The following NFATC1 variants were observed in gnomAD, a reference collection of about 807,000 sequenced individuals.
NFATC1 encodes nuclear factor of activated T-cells, cytoplasmic 1.
A neutral mutation model predicts 76.0 loss-of-function variants in NFATC1; 22 were observed. The observed-to-expected ratio is 0.29, with a 90% CI of 0.21 to 0.41. NFATC1 has a LOEUF of 0.41. Among genes scored for constraint, NFATC1 ranks in the 10% least tolerant of loss-of-function variants. The pLI is 1.00. For missense variants in NFATC1, 1,357 were observed against 1,337.7 expected, an observed-to-expected ratio of 1.01 and a Z score of -0.23; for synonymous variants, 704 against 613.1, an observed-to-expected ratio of 1.15 and a Z score of -2.19.
intron 9 of NFATC1, 120 bp downstream of exon 9, chr18:79,487,057 G>A: frequency 1.7e-6 from 2 of 1,162,812 alleles, no homozygotes; most frequent in South Asian, 1.6e-5. Flanking sequence ...GCACCGGGCA[G>A]GGTGTGGGGT....
At chr18:79,450,563 C>T (rs1012453900) in intron 4 of NFATC1, among the ~76,000 whole-genome samples, 2 of 152,124 alleles carry the variant, frequency 1.3e-5, no homozygotes, top group African/African-American at 4.8e-5. Flanking sequence ...CGCTCTCTGC[C>T]GCTCTGGTGA....
chr18:79,506,973 CCCGGACCCAT>C (rs2090132443), intron 9 of NFATC1, among the ~76,000 whole-genome samples: 2 of 152,218 alleles, frequency 1.3e-5, no homozygotes, highest in Non-Finnish European at 2.9e-5. Context: ...CCCACCAGGC[CCCGGACCCAT>C]AATCAAAGCC....
intron 9 of NFATC1, among the ~76,000 whole-genome samples, chr18:79,487,171 C>T (rs754263627): frequency 5.9e-5 from 9 of 152,186 alleles, no homozygotes; most frequent in Non-Finnish European, 1.2e-4. Context: ...GGGCCCTTGG[C>T]GGGTCCTGGG....
At chr18:79,453,876 C>A (rs959471765) in intron 6 of NFATC1, among the ~76,000 whole-genome samples, 1 of 152,248 alleles carries the variant, frequency 6.6e-6, no homozygotes, top group African/African-American at 2.4e-5. Flanking sequence ...ACATAATTTT[C>A]TTCCTCCACT....
chr18:79,474,013 C>T (rs549456283), intron 8 of NFATC1, among the ~76,000 whole-genome samples: 13 of 142,392 alleles, frequency 9.1e-5, no homozygotes, highest in South Asian at 2.2e-4. Context: ...CACTCACTGT[C>T]GACGTAAACC....
At chr18:79,448,555 C>T in intron 3 of NFATC1, 1 of 581,370 alleles carries the variant, frequency 1.7e-6, no homozygotes, top group Non-Finnish European at 3.1e-6. Flanking sequence ...TGCATACGTG[C>T]AAGGCCCGTT....
At chr18:79,475,757 AAGGG>A (rs1470680651) in intron 8 of NFATC1, among the ~76,000 whole-genome samples, 1 of 152,194 alleles carries the variant, frequency 6.6e-6, no homozygotes, top group Non-Finnish European at 1.5e-5. Flanking sequence ...CTCCAATTGA[AAGGG>A]AGGTCCGAGA....
intron 6 of NFATC1, among the ~76,000 whole-genome samples, chr18:79,452,345 A>G (rs1477188819): frequency 6.6e-6 from 1 of 152,220 alleles, no homozygotes; most frequent in Non-Finnish European, 1.5e-5. Flanking sequence ...CCAAGGGCAC[A>G]GGTCACCCCT....
rs777674609 is a variant in NFATC1, at chr18:79,410,854, C to T, written c.579C>T (p.Tyr193=). The T allele has an allele frequency of 6.2e-7, 1 of 1,610,694 alleles. No individual in the cohort carries two copies. The highest frequency in any genetic ancestry group is 1.7e-5 in the Admixed American group (1 of 59,864). Reference sequence around the variant, plus strand: ...AGGCCTCCTCCTACGAGTCCAACTACTCGTACCCGTACGCGTCCCCCCAGA... The same window carrying T: ...AGGCCTCCTCCTACGAGTCCAACTATTCGTACCCGTACGCGTCCCCCCAGA... ...NSEASSYESN[Y]SYPYASPQTS... The change falls in exon 2 of 10, where the codon TAC becomes TAT. Residue 193 remains tyrosine, a synonymous_variant. Transcript: ENST00000427363. The surrounding 1 kb of genome is among the most constrained non-coding windows in gnomAD (Gnocchi z 6.7).
intron 9 of NFATC1, among the ~76,000 whole-genome samples, chr18:79,505,832 AGG>A (rs2090109125): frequency 1.4e-5 from 2 of 143,492 alleles, no homozygotes; most frequent in African/African-American, 5.3e-5. Flanking sequence ...CCCTTGGGTG[AGG>A]GAAGAGGCAG....
intron 9 of NFATC1, among the ~76,000 whole-genome samples, chr18:79,513,892 A>C: frequency 6.6e-6 from 1 of 152,118 alleles, no homozygotes; most frequent in East Asian, 1.9e-4. Flanking sequence ...TGTGGAGCCC[A>C]TGGATCCTTT....
At chr18:79,459,889 C>G (rs2087967803) in intron 6 of NFATC1, among the ~76,000 whole-genome samples, 1 of 152,200 alleles carries the variant, frequency 6.6e-6, no homozygotes, top group Non-Finnish European at 1.5e-5. Flanking sequence ...AATCCTGTGG[C>G]ATCAGCACCT....
intron 3 of NFATC1, chr18:79,448,227 G>C (rs2087299025): frequency 1.3e-5 from 2 of 158,818 alleles, no homozygotes; most frequent in African/African-American, 4.8e-5. Context: ...TCAGCCACCA[G>C]GACGGCGTTG....
chr18:79,486,922 T>C lies in NFATC1; in HGVS notation c.2767T>C (p.Leu923=), dbSNP rs2089518465. Residue 923 remains leucine, a synonymous_variant, in exon 9 of 10, where the codon TTG becomes CTG. Coordinates refer to ENST00000427363, the MANE Select transcript of NFATC1 (RefSeq NM_001278669.2). ...GCGAGAGCCTGAAGAGTTGGACCAG[T>C]TGTACCTGGATGACGGTGAGTGCCC... ...VKREPEELDQ[L]YLDDVNEIIR... 6.3e-7 allele frequency: 1 copy of C among 1,597,172 alleles called. No homozygotes were observed.
chr18:79,447,080 C>T (rs1157264550), intron 3 of NFATC1, among the ~76,000 whole-genome samples: 1 of 152,192 alleles, frequency 6.6e-6, no homozygotes, highest in African/African-American at 2.4e-5. Flanking sequence ...GTTCAGCCGT[C>T]GCTTCACTGT....
rs894527933 is a variant in NFATC1 at position 79,527,772 on chromosome 18, T to G, written c.*195T>G. Reference sequence around the variant, plus strand: ...AAGCAGGGAGGAAGGGAGACCACTGTGTCACCTGGAGGAGAAGTCATCTCA... The same window carrying G: ...AAGCAGGGAGGAAGGGAGACCACTGGGTCACCTGGAGGAGAAGTCATCTCA... On this transcript the variant is annotated 3_prime_UTR_variant, in exon 10 of 10. Coordinates refer to ENST00000427363, the MANE Select transcript of NFATC1 (RefSeq NM_001278669.2). 4 of 601,076 alleles carry G rather than the reference T, an allele frequency of 6.7e-6. No homozygotes were observed. The African/African-American group carries it at 7.4e-5, about 11-fold the overall frequency. The allele number at this position is 601,076 out of a possible 1,614,324, so 37.2% of individuals were successfully genotyped here.
intron 2 of NFATC1, among the ~76,000 whole-genome samples, chr18:79,416,089 T>A (rs1395076479): frequency 6.6e-6 from 1 of 152,216 alleles, no homozygotes; most frequent in Non-Finnish European, 1.5e-5. Flanking sequence ...CCCTGTTTAT[T>A]TCAGACATTA....
chr18:79,523,072 T>C (rs1418081434), intron 9 of NFATC1, among the ~76,000 whole-genome samples: 1 of 152,176 alleles, frequency 6.6e-6, no homozygotes, highest in African/African-American at 2.4e-5. Context: ...GTGAACAGAC[T>C]GGGTGACTAC....
At chr18:79,494,324 T>TGTGGCCGGGGGAAGGCGAGAGCGGGC (rs2089800290) in intron 9 of NFATC1, among the ~76,000 whole-genome samples, 1 of 134,720 alleles carries the variant, frequency 7.4e-6, no homozygotes. Context: ...ATGAACCTGG[T>TGTGGCCGGGGGAAGGCGAGAGCGGGC]ACGGCCGGGG....
Sources: gnomAD v4.1 joint callset for allele counts (sites outside exome capture counted in the v4.1 genomes callset) on GRCh38, gnomAD v4.1.1 for gene constraint, Gnocchi (gnomAD v3.1) non-coding constraint, MANE v1.5 for transcripts, NCBI Gene and HGNC (gene_info 2026-07-23, HGNC 2026-07-21) for gene names.